The following PRIM2 variants were observed in gnomAD, a reference collection of about 807,000 sequenced individuals.
The protein encoded by PRIM2 is DNA primase subunit 2.
A neutral mutation model predicts 67.3 loss-of-function variants in PRIM2; 39 were observed. The observed-to-expected ratio is 0.58, with a 90% confidence interval of 0.45 to 0.76. PRIM2 has a LOEUF of 0.76. Ranked by LOEUF, PRIM2 falls within the 30% of genes least tolerant of loss-of-function variation. The pLI is 0.00. For synonymous variants in PRIM2, 143 were observed against 198.7 expected (o/e 0.72, Z 2.36); for missense variants, 398 against 598.7 (o/e 0.66, Z 3.50).
chr6:57,620,742 T>G (rs1431210087), intron 12 of PRIM2, among the ~76,000 whole-genome samples: 2 of 152,236 alleles, frequency 1.3e-5, no homozygotes, highest in Admixed American at 1.3e-4. Context: ...ATACTAACAT[T>G]GAATGTAAAT....
intron 10 of PRIM2, among the ~76,000 whole-genome samples, chr6:57,557,512 C>T (rs1299676522): frequency 2.6e-5 from 4 of 152,114 alleles, no homozygotes; most frequent in African/African-American, 9.7e-5. Flanking sequence ...CAAACTAATG[C>T]AGGAACAGAA....
intron 10 of PRIM2, among the ~76,000 whole-genome samples, chr6:57,570,704 G>C (rs1447364074): frequency 6.6e-6 from 1 of 151,936 alleles, no homozygotes; most frequent in African/African-American, 2.4e-5. Context: ...CTATTATTAT[G>C]GTTAGAAAAT....
intron 5 of PRIM2, among the ~76,000 whole-genome samples, chr6:57,372,084 G>T (rs9475896): frequency 0.093 from 14,221 of 152,146 alleles, 1,514 homozygotes; most frequent in African/African-American, 0.26. Context: ...TCTGTAATTT[G>T]TGCTCTGACC....
At chr6:57,287,231 C>T in the PRIM2 span, among the ~76,000 whole-genome samples, 2 of 152,070 alleles carry the variant, frequency 1.3e-5, no homozygotes, top group African/African-American at 2.4e-5. Flanking sequence ...CTAGAAATAC[C>T]ATTTGACCCA....
At chr6:57,449,870 G>T (rs1772483292) in intron 7 of PRIM2, among the ~76,000 whole-genome samples, 1 of 152,106 alleles carries the variant, frequency 6.6e-6, no homozygotes, top group African/African-American at 2.4e-5. Flanking sequence ...TGTTGTGGTG[G>T]AACTACCATT....
chr6:57,246,696 G>A, the PRIM2 span, among the ~76,000 whole-genome samples: 1 of 152,130 alleles, frequency 6.6e-6, no homozygotes, highest in Non-Finnish European at 1.5e-5. Flanking sequence ...CTCGAACAGG[G>A]AGGGGCAGCC....
At chr6:57,312,603 A>T (rs186726898), upstream of PRIM2, among the ~76,000 whole-genome samples, 2,078 of 152,262 alleles carry the variant, frequency 0.014, 43 homozygotes, top group African/African-American at 0.047. Flanking sequence ...TTGTTTTTTT[A>T]AAAAAAGTTT....
chr6:57,563,784 C>T (rs1175537577), intron 10 of PRIM2, among the ~76,000 whole-genome samples: 6 of 152,126 alleles, frequency 3.9e-5, no homozygotes, highest in African/African-American at 1.4e-4. Context: ...TGTCAGCCTC[C>T]CGAGTATCTG....
At chr6:57,499,782 A>G (rs1774092621) in intron 7 of PRIM2, among the ~76,000 whole-genome samples, 2 of 152,182 alleles carry the variant, frequency 1.3e-5, no homozygotes, top group South Asian at 4.1e-4. Flanking sequence ...TTTCTTCTCT[A>G]CAGAATGAAC....
the PRIM2 span, among the ~76,000 whole-genome samples, chr6:57,294,582 T>A: frequency 4.6e-5 from 7 of 151,620 alleles, no homozygotes; most frequent in Admixed American, 6.6e-5. Context: ...AATTTATGTA[T>A]AAGTATGTGT....
At chr6:57,273,814 G>A in the PRIM2 span, among the ~76,000 whole-genome samples, 2 of 151,848 alleles carry the variant, frequency 1.3e-5, no homozygotes, top group African/African-American at 2.4e-5. Context: ...TGGTGTGGAT[G>A]TCCTTCCCGT....
intron 5 of PRIM2, among the ~76,000 whole-genome samples, chr6:57,330,496 T>G (rs771096162): frequency 3.3e-5 from 5 of 151,388 alleles, no homozygotes; most frequent in Non-Finnish European, 7.4e-5. Flanking sequence ...CACCACACCC[T>G]GCTAATTTTT....
intron 5 of PRIM2, among the ~76,000 whole-genome samples, chr6:57,376,991 C>T (rs1414844369): frequency 6.6e-6 from 1 of 152,054 alleles, no homozygotes; most frequent in African/African-American, 2.4e-5. Context: ...ATTCTTCTTC[C>T]CCACCCTCCT....
At chr6:57,355,878 G>C (rs1321267221) in intron 5 of PRIM2, among the ~76,000 whole-genome samples, 4 of 152,072 alleles carry the variant, frequency 2.6e-5, no homozygotes, top group African/African-American at 9.7e-5. Flanking sequence ...CTGGGTTCAA[G>C]TGATCTGCCT....
intron 7 of PRIM2, among the ~76,000 whole-genome samples, chr6:57,476,392 T>C (rs1474159350): frequency 1.3e-5 from 2 of 152,174 alleles, no homozygotes; most frequent in Admixed American, 1.3e-4. Context: ...TTTGTAGCTT[T>C]TGCAGACCCT....
At chr6:57,336,513 G>A (rs747716147) in intron 5 of PRIM2, among the ~76,000 whole-genome samples, 119 of 152,268 alleles carry the variant, frequency 7.8e-4, no homozygotes, top group Non-Finnish European at 1.4e-3. Flanking sequence ...TGGATCTCTC[G>A]GCACAAACTC....
At chr6:57,582,856 A>G (rs1360835268) in intron 10 of PRIM2, among the ~76,000 whole-genome samples, 3 of 150,926 alleles carry the variant, frequency 2.0e-5, no homozygotes, top group Non-Finnish European at 4.4e-5. Context: ...TTACATATGT[A>G]TACATGTGCC....
At chr6:57,281,751 T>C in the PRIM2 span, among the ~76,000 whole-genome samples, 8 of 152,288 alleles carry the variant, frequency 5.3e-5, no homozygotes, top group South Asian at 1.0e-3. Flanking sequence ...AGCCTGCATG[T>C]GGGAGCAGCT....
chr6:57,358,365 G>A (rs1446258172), intron 5 of PRIM2, among the ~76,000 whole-genome samples: 2 of 152,154 alleles, frequency 1.3e-5, no homozygotes, highest in Admixed American at 1.3e-4. Flanking sequence ...GGTAGATGCT[G>A]GAGAACAGTA....
Sources: allele counts gnomAD v4.1 joint callset (sites outside exome capture counted in the v4.1 genomes callset), GRCh38; gene constraint gnomAD v4.1.1; transcripts MANE v1.5; gene names NCBI Gene and HGNC (gene_info 2026-07-23, HGNC 2026-07-21).